The following CPNE8 variants were observed in gnomAD, a reference collection of about 807,000 sequenced individuals.
CPNE8 encodes the protein copine-8.
A neutral mutation model predicts 81.5 loss-of-function variants in CPNE8; 45 were observed. The observed-to-expected ratio is 0.55, with a 90% CI of 0.44 to 0.71. The LOEUF (loss-of-function observed/expected upper bound fraction) is 0.71. CPNE8 is among the 30% of genes least tolerant of loss of function. The pLI is 0.00. For missense variants in CPNE8, 594 were observed against 672.1 expected, an observed-to-expected ratio of 0.88 and a Z score of 1.28; for synonymous variants, 252 against 226.3, an observed-to-expected ratio of 1.11 and a Z score of -1.02.
At chr12:38,866,072 G>A (rs1592144928) in intron 3 of CPNE8, among the ~76,000 whole-genome samples, 1 of 152,242 alleles carries the variant, frequency 6.6e-6, no homozygotes, top group South Asian at 2.1e-4. Flanking sequence ...AAATCCAAGT[G>A]GATCAATACA....
chr12:38,866,454 G>A (rs1204631244), intron 3 of CPNE8, among the ~76,000 whole-genome samples: 1 of 152,312 alleles, frequency 6.6e-6, no homozygotes, highest in Non-Finnish European at 1.5e-5. Context: ...TAATCAATTA[G>A]CAACAGTTAT....
chr12:38,861,187 A>G (rs1005079824), intron 3 of CPNE8, among the ~76,000 whole-genome samples: 1 of 151,884 alleles, frequency 6.6e-6, no homozygotes, highest in African/African-American at 2.4e-5. Context: ...AAAATAGTCA[A>G]ACTTAAAGAA....
At chr12:38,685,400 T>A (rs558135922) in intron 16 of CPNE8, 90 bp downstream of exon 16, 22 of 1,394,776 alleles carry the variant, frequency 1.6e-5, no homozygotes, top group Admixed American at 7.0e-5. Flanking sequence ...AGAAAACAAC[T>A]TTCATGTGTG....
At chr12:38,831,801 C>T (rs1648118967) in intron 5 of CPNE8, among the ~76,000 whole-genome samples, 1 of 152,134 alleles carries the variant, frequency 6.6e-6, no homozygotes, top group South Asian at 2.1e-4. Flanking sequence ...TATCATTGCT[C>T]TTCTGAGTCA....
At chr12:38,767,570 A>G (rs2136868084) in intron 8 of CPNE8, 65 bp downstream of exon 8, 1 of 988,044 alleles carries the variant, frequency 1.0e-6, no homozygotes, top group East Asian at 2.9e-5. Flanking sequence ...CTTCTCTGAG[A>G]AAAATAATTA....
chr12:38,688,960 A>G (rs1467546813), intron 15 of CPNE8, among the ~76,000 whole-genome samples: 1 of 152,208 alleles, frequency 6.6e-6, no homozygotes, highest in Non-Finnish European at 1.5e-5. Flanking sequence ...TAGTGAAATA[A>G]GTAAAAACAT....
chr12:38,772,053 A>G (rs1195076094), intron 7 of CPNE8, among the ~76,000 whole-genome samples: 1 of 152,176 alleles, frequency 6.6e-6, no homozygotes, highest in Non-Finnish European at 1.5e-5. Flanking sequence ...ACAGTCTTGA[A>G]TGAGACTGGA....
At chr12:38,776,132 T>C (rs1325618703) in intron 7 of CPNE8, 106 bp downstream of exon 7, 2 of 480,068 alleles carry the variant, frequency 4.2e-6, no homozygotes, top group East Asian at 7.3e-5. Flanking sequence ...TAAAATTGTA[T>C]AACACTTTTG....
chr12:38,857,565 G>C (rs1412767604), intron 3 of CPNE8, among the ~76,000 whole-genome samples: 1 of 152,148 alleles, frequency 6.6e-6, no homozygotes, highest in African/African-American at 2.4e-5. Flanking sequence ...ACAGGACATA[G>C]GATTTCTCTG....
chr12:38,740,120 T>A (rs1592052189), intron 10 of CPNE8, among the ~76,000 whole-genome samples: 1 of 152,182 alleles, frequency 6.6e-6, no homozygotes, highest in East Asian at 1.9e-4. Context: ...TCACATCCCT[T>A]GTAAGTTGGA....
chr12:38,710,268 C>CAAAAAAAAAAAAAAAAAAAA (rs57376063), intron 13 of CPNE8, among the ~76,000 whole-genome samples: 4 of 50,266 alleles, frequency 8.0e-5, no homozygotes, highest in South Asian at 1.4e-3. Context: ...AATAAGCTAA[C>CAAAAAAAAAAAAAAAAAAAA]AAAAAAAAAA....
chr12:38,782,236 T>A (rs1018776957), intron 6 of CPNE8, among the ~76,000 whole-genome samples: 6 of 152,072 alleles, frequency 3.9e-5, no homozygotes, highest in Non-Finnish European at 7.4e-5. Context: ...ATTGAAACAA[T>A]GCAAGGTCAA....
chr12:38,771,633 T>C (rs1313967842), intron 7 of CPNE8, among the ~76,000 whole-genome samples: 1 of 152,316 alleles, frequency 6.6e-6, no homozygotes, highest in South Asian at 2.1e-4. Flanking sequence ...TTGTATAAAT[T>C]TATGACCTAT....
In CPNE8 at chr12:38,797,436, C is replaced by G. The variant is rs896291827; in HGVS notation, c.408-21135G>C. 3.9e-5 allele frequency among the ~76,000 whole-genome samples: 6 copies of G among 152,150 alleles called. No individual in the cohort carries two copies. In the South Asian group the frequency reaches 6.2e-4, roughly 16 times the overall value. On this transcript the variant is annotated intron_variant, in intron 6 of 19. Transcript: ENST00000331366. ...ACACGGCTGCGGATACCCAGGCAAA[C>G]AGGGTCTGGAGTGGACCTCCAGCAA...
intron 3 of CPNE8, among the ~76,000 whole-genome samples, chr12:38,854,652 G>C (rs1943701761): frequency 6.6e-6 from 1 of 152,010 alleles, no homozygotes. Flanking sequence ...TACGTTAACA[G>C]AACGAATTAT....
At chr12:38,799,980 A>G (rs975547910) in intron 6 of CPNE8, among the ~76,000 whole-genome samples, 10 of 147,528 alleles carry the variant, frequency 6.8e-5, no homozygotes, top group Non-Finnish European at 1.5e-5. Context: ...ACGAGACTGT[A>G]TCCCACACCT....
chr12:38,682,761 A>C (rs781461349), intron 16 of CPNE8, among the ~76,000 whole-genome samples: 1 of 152,226 alleles, frequency 6.6e-6, no homozygotes, highest in Non-Finnish European at 1.5e-5. Context: ...GCATGGAATG[A>C]TATCATAGAC....
intron 6 of CPNE8, among the ~76,000 whole-genome samples, chr12:38,794,869 T>C (rs1228159423): frequency 2.0e-5 from 3 of 152,292 alleles, no homozygotes; most frequent in South Asian, 2.1e-4. Context: ...TGTTAGTCAG[T>C]GGACTGAGAG....
rs570705486 is a variant in CPNE8 at position 38,764,680 on chromosome 12, C to T, written c.576-2464G>A. On this transcript the variant is annotated intron_variant, in intron 8 of 19. Transcript: ENST00000331366. ...AACAAATTACAGAGGGAAGGCAGAG[C>T]TGTATGTTGGTTTGTTTCAGAAACA... Among the ~76,000 whole-genome samples the T allele has an allele frequency of 2.7e-5, 4 of 150,236 alleles. No individual in the cohort carries two copies. In the East Asian group the frequency reaches 5.9e-4, roughly 22 times the overall value.
Sources: allele counts gnomAD v4.1 joint callset (sites outside exome capture counted in the v4.1 genomes callset), GRCh38; gene constraint gnomAD v4.1.1; transcripts MANE v1.5; gene names NCBI Gene and HGNC (gene_info 2026-07-23, HGNC 2026-07-21).